Variants in CHRDL2 observed in about 807,000 individuals in gnomAD.
CHRDL2 encodes the protein chordin-like protein 2.
Under a neutral mutation model 54.3 loss-of-function variants are expected in CHRDL2, and 41 were observed. The observed-to-expected ratio is 0.76, with a 90% CI of 0.59 to 0.98. CHRDL2 has a LOEUF of 0.98. CHRDL2 is among the 50% of genes least tolerant of loss of function. The pLI, the probability that CHRDL2 is intolerant of heterozygous loss-of-function variation, is 0.00. For missense variants in CHRDL2, 518 were observed against 562.4 expected (o/e 0.92, Z 0.80); for synonymous variants, 220 against 224.3 (o/e 0.98, Z 0.17).
At chr11:74,699,869 G>C (rs1215123642) in intron 9 of CHRDL2, among the ~76,000 whole-genome samples, 1 of 152,242 alleles carries the variant, frequency 6.6e-6, no homozygotes, top group South Asian at 2.1e-4. Context: ...GAGGCTGATG[G>C]GGCATTTAGG....
At chr11:74,698,067 CT>C (rs11297072) in intron 9 of CHRDL2, among the ~76,000 whole-genome samples, 90,533 of 130,506 alleles carry the variant, frequency 0.69, 31,206 homozygotes, top group Non-Finnish European at 0.75. Flanking sequence ...ACTTTTTTTT[CT>C]TTTTTTTTTT....
rs1961284 is a variant in CHRDL2, at chr11:74,728,525, T to C, written c.82+2282A>G. On this transcript the variant is annotated intron_variant, in intron 1 of 10. Transcript: ENST00000376332. ...GGGTCCAGGACCCAGGTCTGTTCTG[T>C]TTTTTGTTGTTGTTGTTGTTGTTGT... Among the ~76,000 whole-genome samples, 26 of 98,376 alleles carry C rather than the reference T, an allele frequency of 2.6e-4. No individual in the cohort carries two copies. In the East Asian group the frequency reaches 3.4e-3, roughly 13 times the overall value. 64.5% of individuals were successfully genotyped at this position (98,376 alleles called of 152,430 possible).
intron 5 of CHRDL2, among the ~76,000 whole-genome samples, chr11:74,708,001 G>C (rs1303217277): frequency 6.6e-6 from 1 of 152,158 alleles, no homozygotes; most frequent in African/African-American, 2.4e-5. Context: ...GGTCACTTTT[G>C]CTTGGTTAGC....
rs1336159567 is a variant in CHRDL2, at chr11:74,702,792, A to G, written c.1120+2T>C. The G allele has an allele frequency of 6.2e-7, 1 of 1,613,812 alleles. No individual in the cohort carries two copies. The highest frequency in any genetic ancestry group is 1.3e-5 in the African/African-American group (1 of 74,802). On this transcript the variant is annotated splice_donor_variant, in intron 9 of 10. Coordinates refer to ENST00000376332, the MANE Select transcript of CHRDL2 (RefSeq NM_001278473.3). LOFTEE classifies it high-confidence loss of function. ...CCCCACTGGGAGTGGGCCAGCACTCACCTTTTACCAGCTTCCAGAGGTAGA... is the reference window on the plus strand; with the variant it reads ...CCCCACTGGGAGTGGGCCAGCACTCGCCTTTTACCAGCTTCCAGAGGTAGA...
In CHRDL2 at chr11:74,730,958, G is replaced by A; in HGVS notation, c.-70C>T. The A allele has an allele frequency of 7.7e-7, 1 of 1,302,070 alleles. No individual in the cohort carries two copies. The allele number at this position is 1,302,070 out of a possible 1,614,324, so 80.7% of individuals were successfully genotyped here. ...GGAAGGGAGACGAAAAGGACACGGA[G>A]GCACAGGGGCCACAGATCAACCCAC... is the stretch of plus-strand genomic sequence containing the variant. On this transcript the variant is annotated 5_prime_UTR_variant, in exon 1 of 11. Transcript: ENST00000376332.
At position 74,720,886 on chromosome 11, in the gene CHRDL2, C is replaced by T. The variant is rs192595881; in HGVS notation, c.83-2054G>A. ...GTAAGGAGCTGGAGTTGGCCTCTCT[C>T]GGGTTCCTCATATTGCTCCTGCTCT... On this transcript the variant is annotated intron_variant, in intron 1 of 10. Coordinates refer to ENST00000376332, the MANE Select transcript of CHRDL2 (RefSeq NM_001278473.3). 1.6e-3 allele frequency among the ~76,000 whole-genome samples: 247 copies of T among 152,328 alleles called. 3 individuals carry two copies. Among genetic ancestry groups the T allele is most frequent in the Middle Eastern group, 0.014 (4 of 294 alleles).
At chr11:74,730,229 G>C (rs60556990) in intron 1 of CHRDL2, among the ~76,000 whole-genome samples, 5 of 151,976 alleles carry the variant, frequency 3.3e-5, no homozygotes, top group African/African-American at 1.2e-4. Context: ...ACAATGTGAG[G>C]CAGGGAATAA....
chr11:74,701,991 C>T (rs779964329), intron 9 of CHRDL2, among the ~76,000 whole-genome samples: 24 of 152,264 alleles, frequency 1.6e-4, no homozygotes, highest in African/African-American at 2.9e-4. Flanking sequence ...TCGTGGCTCA[C>T]GCCTGTAATC....
intron 7 of CHRDL2, among the ~76,000 whole-genome samples, chr11:74,703,713 G>A (rs544952994): frequency 1.3e-5 from 2 of 152,358 alleles, no homozygotes; most frequent in African/African-American, 4.8e-5. Flanking sequence ...GGGCCCAGAA[G>A]GAACTTACTG....
intron 7 of CHRDL2, among the ~76,000 whole-genome samples, chr11:74,704,172 T>C (rs1367168141): frequency 3.3e-5 from 5 of 152,170 alleles, no homozygotes; most frequent in Non-Finnish European, 5.9e-5. Context: ...TTCCCATCTA[T>C]CTGTTCTGTC....
At chr11:74,709,523 C>T (rs1175235823) in intron 4 of CHRDL2, among the ~76,000 whole-genome samples, 1 of 152,206 alleles carries the variant, frequency 6.6e-6, no homozygotes, top group Non-Finnish European at 1.5e-5. Flanking sequence ...ACACAACAGA[C>T]TAGACCACTG....
At chr11:74,697,381 C>T (rs1367801113) in intron 9 of CHRDL2, 84 bp from the exon 10 acceptor site, 43 of 922,724 alleles carry the variant, frequency 4.7e-5, no homozygotes, top group Admixed American at 1.2e-4. Context: ...TAGCACAGAA[C>T]GGACCCAATC....
At chr11:74,701,473 A>G in intron 9 of CHRDL2, 1 of 622,870 alleles carries the variant, frequency 1.6e-6, no homozygotes, top group Non-Finnish European at 3.0e-6. Flanking sequence ...TCTCTTCTCC[A>G]GGCTGAACAG....
At chr11:74,705,375 G>A (rs1202220878) in intron 6 of CHRDL2, among the ~76,000 whole-genome samples, 1 of 152,130 alleles carries the variant, frequency 6.6e-6, no homozygotes, top group Non-Finnish European at 1.5e-5. Context: ...TACCTCCCTC[G>A]CTGACCTGGA....
intron 6 of CHRDL2, 145 bp from the exon 7 acceptor site, chr11:74,704,799 A>G: frequency 1.3e-6 from 1 of 762,484 alleles, no homozygotes; most frequent in Non-Finnish European, 2.2e-6. Flanking sequence ...GACCAGGGAT[A>G]GAAAGATCTG....
chr11:74,703,289 C>CA lies in CHRDL2; in HGVS notation c.946+15dup, dbSNP rs777963126. 1 of 1,580,110 alleles carries CA rather than the reference C, an allele frequency of 6.3e-7. No individual in the cohort carries two copies. Among genetic ancestry groups the CA allele is most frequent in the South Asian group, 1.2e-5 (1 of 86,624 alleles). On this transcript the variant is annotated intron_variant, in intron 8 of 10. Coordinates refer to ENST00000376332, the MANE Select transcript of CHRDL2 (RefSeq NM_001278473.3). ...CTCTGGCCAGCGCCCTCCTTGCTCC[C>CA]AGTGCCCCTGTGTACCTGGGCAAAT...
Position 74,701,511 on chromosome 11 carries a change from C to A in CHRDL2, c.1120+1283G>T. 5 of 677,510 alleles carry A rather than the reference C, an allele frequency of 7.4e-6. No homozygotes were observed. The South Asian group carries it at 8.0e-5, about 11-fold the overall frequency. The allele number at this position is 677,510 out of a possible 1,614,324, so 42.0% of individuals were successfully genotyped here. On this transcript the variant is annotated intron_variant, in intron 9 of 10. Transcript: ENST00000376332. ...CCACTTTCTTCGTCCATTCCTCCTA[C>A]GACAGGGGGCAGAGTAGAGCAGGGA... is the stretch of plus-strand genomic sequence containing the variant.
intron 2 of CHRDL2, among the ~76,000 whole-genome samples, chr11:74,715,007 G>A (rs1168152619): frequency 6.6e-6 from 1 of 152,120 alleles, no homozygotes; most frequent in Non-Finnish European, 1.5e-5. Flanking sequence ...ATCCCACTTC[G>A]TCTTCTCAAC....
At chr11:74,707,086 T>C (rs991823867) in intron 5 of CHRDL2, among the ~76,000 whole-genome samples, 3 of 152,174 alleles carry the variant, frequency 2.0e-5, no homozygotes, top group Non-Finnish European at 2.9e-5. Context: ...ACAAAGCCGT[T>C]TGGAGCCCTG....
Sources: gnomAD v4.1 joint callset for allele counts (sites outside exome capture counted in the v4.1 genomes callset) on GRCh38, gnomAD v4.1.1 for gene constraint, MANE v1.5 for transcripts, NCBI Gene and HGNC (gene_info 2026-07-23, HGNC 2026-07-21) for gene names.